CADPS: variants seen among roughly 807,000 people sequenced by gnomAD.
CADPS encodes calcium dependent secretion activator.
Under a neutral mutation model 167.3 loss-of-function variants are expected in CADPS, and 57 were observed. The observed-to-expected ratio is 0.34, with a 90% CI of 0.28 to 0.42. The LOEUF is 0.42. CADPS is among the 20% of genes least tolerant of loss of function. CADPS has a pLI of 1.00. For synonymous variants in CADPS, 676 were observed against 635.3 expected (o/e 1.06, Z -0.96); for missense variants, 1,414 against 1,738.1 (o/e 0.81, Z 3.32).
chr3:62,572,987 G>A (rs909175629), intron 8 of CADPS, among the ~76,000 whole-genome samples: 8 of 152,052 alleles, frequency 5.3e-5, no homozygotes, highest in African/African-American at 1.9e-4. Flanking sequence ...GTTCAAGCGA[G>A]TCTCCTCCCT....
intron 23 of CADPS, among the ~76,000 whole-genome samples, chr3:62,476,749 T>G (rs2061374270): frequency 6.6e-6 from 1 of 152,168 alleles, no homozygotes; most frequent in South Asian, 2.1e-4. Flanking sequence ...GACATGCATG[T>G]CTTTCTGTAC....
intron 5 of CADPS, 60 bp from the exon 6 acceptor site, chr3:62,645,903 G>C (rs762096673): frequency 5.0e-6 from 8 of 1,592,268 alleles, no homozygotes; most frequent in Non-Finnish European, 6.9e-6. Flanking sequence ...GCATCGCCCA[G>C]AGGAAAATAC....
chr3:62,645,241 G>T (rs73842979), intron 6 of CADPS, among the ~76,000 whole-genome samples: 3 of 152,000 alleles, frequency 2.0e-5, no homozygotes, highest in African/African-American at 7.2e-5. Flanking sequence ...CTACAAACTG[G>T]GTTCAGTATA....
chr3:62,568,345 T>C (rs2080677087), intron 9 of CADPS, among the ~76,000 whole-genome samples: 1 of 152,208 alleles, frequency 6.6e-6, no homozygotes, highest in Non-Finnish European at 1.5e-5. Flanking sequence ...CCACACGCAG[T>C]GTGAATGGAC....
chr3:62,608,797 A>G (rs773178399), intron 6 of CADPS, among the ~76,000 whole-genome samples: 1 of 152,106 alleles, frequency 6.6e-6, no homozygotes, highest in Non-Finnish European at 1.5e-5. Flanking sequence ...CCAGTACTCA[A>G]TTTTTCCTCT....
intron 26 of CADPS, among the ~76,000 whole-genome samples, chr3:62,456,118 C>G (rs1230211088): frequency 6.6e-6 from 1 of 152,102 alleles, no homozygotes; most frequent in Non-Finnish European, 1.5e-5. Flanking sequence ...ATTAAACTAG[C>G]TGTGCAAGTC....
chr3:62,804,233 A>G (rs970824512), intron 1 of CADPS, among the ~76,000 whole-genome samples: 1 of 152,156 alleles, frequency 6.6e-6, no homozygotes, highest in Admixed American at 6.6e-5. Context: ...GGATGAATGA[A>G]TGGACAGATA....
At chr3:62,742,071 G>T (rs74809870) in intron 3 of CADPS, among the ~76,000 whole-genome samples, 1 of 151,878 alleles carries the variant, frequency 6.6e-6, no homozygotes, top group African/African-American at 2.4e-5. Context: ...GCTAACTAGG[G>T]GGTGAAAGAT....
rs1358257119 is a variant in CADPS at position 62,421,642 on chromosome 3, A to G, written c.3777+16462T>C. On this transcript the variant is annotated intron_variant, in intron 28 of 29. Transcript: ENST00000383710. This position sits in a 1 kb window ranked among gnomAD's most constrained non-coding sequence, Gnocchi z 4.7. Reference sequence around the variant, plus strand: ...TGGCTTCGTTCCCCCACCCCTCCTGACGCTTCCCCCTTTTCCCCCCAAAGG... The same window carrying G: ...TGGCTTCGTTCCCCCACCCCTCCTGGCGCTTCCCCCTTTTCCCCCCAAAGG... Among the ~76,000 whole-genome samples, 5 of 152,126 alleles carry G rather than the reference A, an allele frequency of 3.3e-5. No individual in the cohort carries two copies. Among genetic ancestry groups the G allele is most frequent in the Admixed American group, 1.3e-4 (2 of 15,288 alleles).
At chr3:62,425,992 G>T (rs1435926866) in intron 28 of CADPS, among the ~76,000 whole-genome samples, 1 of 152,156 alleles carries the variant, frequency 6.6e-6, no homozygotes, top group African/African-American at 2.4e-5. Context: ...TTCCTTTAGC[G>T]ATACTGTGGC....
chr3:62,538,103 T>G (rs1561845077), intron 11 of CADPS, among the ~76,000 whole-genome samples: 3 of 152,120 alleles, frequency 2.0e-5, no homozygotes, highest in Non-Finnish European at 4.4e-5. Flanking sequence ...AGGAATTATA[T>G]TAGAGAATCT....
chr3:62,738,457 C>G (rs2079470072), intron 3 of CADPS, among the ~76,000 whole-genome samples: 1 of 152,084 alleles, frequency 6.6e-6, no homozygotes, highest in African/African-American at 2.4e-5. Flanking sequence ...TGTGTGGTGT[C>G]TCATGCCTGT....
intron 2 of CADPS, among the ~76,000 whole-genome samples, chr3:62,755,312 T>C (rs1398287825): frequency 3.3e-5 from 5 of 152,096 alleles, no homozygotes; most frequent in Admixed American, 1.3e-4. Context: ...AAGAAAGTCT[T>C]ATTTTTGCTC....
At chr3:62,557,542 G>T in intron 9 of CADPS, 29 bp from the exon 10 acceptor site, 1 of 1,539,774 alleles carries the variant, frequency 6.5e-7, no homozygotes, top group South Asian at 1.1e-5. Context: ...TTGTGAGGTT[G>T]ACCCCTGGAG....
intron 3 of CADPS, among the ~76,000 whole-genome samples, chr3:62,741,984 G>T (rs2080363178): frequency 6.6e-6 from 1 of 152,014 alleles, no homozygotes; most frequent in South Asian, 2.1e-4. Flanking sequence ...AACAACAACA[G>T]TGAAGGTGAC....
At chr3:62,628,164 C>T (rs1042795420) in intron 6 of CADPS, among the ~76,000 whole-genome samples, 1 of 152,160 alleles carries the variant, frequency 6.6e-6, no homozygotes, top group Non-Finnish European at 1.5e-5. Context: ...GAAACACTCC[C>T]TGACACGTGC....
intron 4 of CADPS, among the ~76,000 whole-genome samples, chr3:62,653,004 C>T (rs141814147): frequency 1.3e-5 from 2 of 152,262 alleles, no homozygotes; most frequent in East Asian, 3.9e-4. Context: ...TACATGAAGG[C>T]TGTCATAAGT....
chr3:62,497,497 T>C (rs2065018016), intron 18 of CADPS, among the ~76,000 whole-genome samples: 1 of 152,176 alleles, frequency 6.6e-6, no homozygotes, highest in Admixed American at 6.5e-5. Context: ...CCCAGATGCC[T>C]GCAATCTGAA....
intron 23 of CADPS, among the ~76,000 whole-genome samples, chr3:62,476,220 A>T (rs143731943): frequency 0.018 from 2,702 of 152,278 alleles, 32 homozygotes; most frequent in Non-Finnish European, 0.026. Flanking sequence ...CCTATGAAAC[A>T]ATGTCCTTGC....
Sources: gnomAD v4.1 joint callset for allele counts (sites outside exome capture counted in the v4.1 genomes callset) on GRCh38, gnomAD v4.1.1 for gene constraint, Gnocchi (gnomAD v3.1) non-coding constraint, MANE v1.5 for transcripts, NCBI Gene and HGNC (gene_info 2026-07-23, HGNC 2026-07-21) for gene names.